Variants in PARD3 observed in about 807,000 individuals in gnomAD.
PARD3 encodes the protein partitioning defective 3 homolog.
A neutral mutation model predicts 155.4 loss-of-function variants in PARD3; 75 were observed. That is an observed-to-expected ratio of 0.48 (90% CI 0.40 to 0.58). The LOEUF (loss-of-function observed/expected upper bound fraction) is 0.58, where lower values mean the gene tolerates loss of function less well. Among genes scored for constraint, PARD3 ranks in the 20% least tolerant of loss-of-function variants. The probability of loss-of-function intolerance (pLI) is 0.00; values close to 1 mark genes in which losing one functional copy is unlikely to be tolerated. For missense variants in PARD3, 1,642 were observed against 1,721.7 expected (o/e 0.95, Z 0.82); for synonymous variants, 576 against 610.5 (o/e 0.94, Z 0.83).
At chr10:34,241,941 T>C (rs1953624583) in intron 22 of PARD3, among the ~76,000 whole-genome samples, 1 of 151,790 alleles carries the variant, frequency 6.6e-6, no homozygotes, top group South Asian at 2.1e-4. Context: ...GTATTGTGCA[T>C]ATTGAGTCTC....
intron 5 of PARD3, among the ~76,000 whole-genome samples, chr10:34,414,817 T>C (rs968024410): frequency 6.8e-6 from 1 of 146,120 alleles, no homozygotes; most frequent in Non-Finnish European, 1.5e-5. Context: ...ATTATATATT[T>C]AGAAAACAAA....
chr10:34,692,819 A>G (rs2094094426), intron 2 of PARD3, among the ~76,000 whole-genome samples: 1 of 152,250 alleles, frequency 6.6e-6, no homozygotes. Flanking sequence ...GGTTGCAGTG[A>G]GCTGAGATTG....
chr10:34,768,913 G>A (rs980050051), intron 1 of PARD3, among the ~76,000 whole-genome samples: 6 of 152,108 alleles, frequency 3.9e-5, no homozygotes, highest in Admixed American at 2.0e-4. Flanking sequence ...TCCCAGCGCC[G>A]AACTCCAGTT....
At chr10:34,264,087 T>G (rs1955170166) in intron 22 of PARD3, among the ~76,000 whole-genome samples, 1 of 152,202 alleles carries the variant, frequency 6.6e-6, no homozygotes, top group Admixed American at 6.5e-5. Flanking sequence ...CTTTAGATAG[T>G]GCAAAGGTGC....
At position 34,183,848 on chromosome 10, in the gene PARD3, C is replaced by T. The variant is rs140644954; in HGVS notation, c.3420-52265G>A. On this transcript the variant is annotated intron_variant, in intron 22 of 24. Coordinates refer to ENST00000374788, the MANE Select transcript of PARD3 (RefSeq NM_001184785.2). ...CTTTGCCCTCCTTAAAACCACTCCA[C>T]GTATGTACGTGTCGTTAATCCTATC... 4.9e-4 allele frequency among the ~76,000 whole-genome samples: 74 copies of T among 152,328 alleles called. 1 individual carries two copies. The highest frequency in any genetic ancestry group is 1.4e-3 in the African/African-American group (57 of 41,568).
intron 2 of PARD3, among the ~76,000 whole-genome samples, chr10:34,519,868 A>G (rs2082028443): frequency 6.6e-6 from 1 of 150,440 alleles, no homozygotes; most frequent in Non-Finnish European, 1.5e-5. Flanking sequence ...AACATAACAT[A>G]ACATAACATA....
intron 2 of PARD3, among the ~76,000 whole-genome samples, chr10:34,545,496 CA>C (rs1424307701): frequency 2.0e-5 from 3 of 151,812 alleles, no homozygotes; most frequent in African/African-American, 7.3e-5. Flanking sequence ...AACTGCCTTA[CA>C]AAAAAATCAT....
At chr10:34,747,656 G>GT (rs1405346010) in intron 1 of PARD3, among the ~76,000 whole-genome samples, 1 of 152,176 alleles carries the variant, frequency 6.6e-6, no homozygotes, top group Admixed American at 6.5e-5. Context: ...CTGAGAGCTG[G>GT]TGTCGTGGTA....
intron 22 of PARD3, among the ~76,000 whole-genome samples, chr10:34,214,872 T>C (rs983593175): frequency 6.6e-6 from 1 of 152,144 alleles, no homozygotes; most frequent in African/African-American, 2.4e-5. Flanking sequence ...TCGAAGAGTC[T>C]AGGCCCCTTG....
At chr10:34,163,293 T>C in intron 22 of PARD3, among the ~76,000 whole-genome samples, 1 of 151,996 alleles carries the variant, frequency 6.6e-6, no homozygotes, top group East Asian at 1.9e-4. Context: ...GAGAAAACAA[T>C]TAGACTAAGA....
chr10:34,783,827 C>T (rs996168532), intron 1 of PARD3, among the ~76,000 whole-genome samples: 2 of 151,864 alleles, frequency 1.3e-5, no homozygotes, highest in African/African-American at 4.8e-5. Context: ...TTTCTAACTA[C>T]TTGGAACTAG....
At chr10:34,176,140 T>C (rs1334720123) in intron 22 of PARD3, among the ~76,000 whole-genome samples, 4 of 152,260 alleles carry the variant, frequency 2.6e-5, no homozygotes, top group Admixed American at 2.0e-4. Flanking sequence ...AAAAGGAGGC[T>C]ATTATCATGC....
intron 1 of PARD3, among the ~76,000 whole-genome samples, chr10:34,786,138 A>G (rs1237217974): frequency 6.6e-6 from 1 of 152,152 alleles, no homozygotes; most frequent in East Asian, 1.9e-4. Flanking sequence ...GAAATACAGA[A>G]CTCTGACAAC....
At chr10:34,595,635 G>A (rs2089180838) in intron 2 of PARD3, among the ~76,000 whole-genome samples, 1 of 151,926 alleles carries the variant, frequency 6.6e-6, no homozygotes, top group African/African-American at 2.4e-5. Context: ...AACCTTCTAG[G>A]AAAAAGAATA....
chr10:34,295,788 G>A (rs565721117), intron 20 of PARD3, among the ~76,000 whole-genome samples: 2 of 152,166 alleles, frequency 1.3e-5, no homozygotes, highest in East Asian at 3.9e-4. Context: ...TTTTAGCAAA[G>A]GAGTTCAGAG....
intron 5 of PARD3, among the ~76,000 whole-genome samples, chr10:34,404,543 T>C (rs1304960016): frequency 6.6e-6 from 1 of 151,970 alleles, no homozygotes; most frequent in South Asian, 2.1e-4. Context: ...CTATATAGTA[T>C]CAATTTAAAC....
intron 22 of PARD3, among the ~76,000 whole-genome samples, chr10:34,153,806 C>T (rs770670652): frequency 4.6e-5 from 7 of 152,108 alleles, no homozygotes; most frequent in Non-Finnish European, 1.0e-4. Context: ...TTAGTGTTTC[C>T]CCTTATGGTG....
intron 22 of PARD3, among the ~76,000 whole-genome samples, chr10:34,257,609 T>A (rs2133782564): frequency 6.6e-6 from 1 of 152,312 alleles, no homozygotes; most frequent in Non-Finnish European, 1.5e-5. Context: ...AAAATGCAGA[T>A]ACTCTGCTGG....
chr10:34,143,078 T>C (rs937786732), intron 22 of PARD3, among the ~76,000 whole-genome samples: 1 of 152,124 alleles, frequency 6.6e-6, no homozygotes, highest in Admixed American at 6.6e-5. Flanking sequence ...TCCCAGCACT[T>C]TGGGAGGTCA....
Sources: gnomAD v4.1 joint callset for allele counts (sites outside exome capture counted in the v4.1 genomes callset) on GRCh38, gnomAD v4.1.1 for gene constraint, MANE v1.5 for transcripts, NCBI Gene and HGNC (gene_info 2026-07-23, HGNC 2026-07-21) for gene names.